Variants in CCDC92 observed in about 807,000 individuals in gnomAD.
CCDC92 encodes coiled-coil domain containing 92.
Under a neutral mutation model 24.9 loss-of-function variants are expected in CCDC92, and 12 were observed. That is an observed-to-expected ratio of 0.48 (90% confidence interval 0.31 to 0.78). The LOEUF (loss-of-function observed/expected upper bound fraction) is 0.78. Among genes scored for constraint, CCDC92 ranks in the 30% least tolerant of loss-of-function variants. The pLI is 0.05. For missense variants in CCDC92, 399 were observed against 439.4 expected, an observed-to-expected ratio of 0.91 and a Z score of 0.82; for synonymous variants, 193 against 196.3, an observed-to-expected ratio of 0.98 and a Z score of 0.14.
chr12:123,941,567 G>A (rs1955685681), intron 4 of CCDC92, among the ~76,000 whole-genome samples: 1 of 152,210 alleles, frequency 6.6e-6, no homozygotes, highest in Non-Finnish European at 1.5e-5. Flanking sequence ...AGGCATTGTG[G>A]GGAATGGAGA....
intron 2 of CCDC92, chr12:123,943,842 C>A: frequency 2.2e-6 from 1 of 454,062 alleles, no homozygotes. Context: ...CCTGGGGTCA[C>A]ACAGCCAGTG....
At chr12:123,939,671 C>G (rs1187589694) in intron 4 of CCDC92, among the ~76,000 whole-genome samples, 1 of 152,140 alleles carries the variant, frequency 6.6e-6, no homozygotes, top group Non-Finnish European at 1.5e-5. Context: ...AGCAAATGAC[C>G]TCCCTAAAAA....
At chr12:123,968,702 G>A (rs1468400729) in intron 1 of CCDC92, 1 of 152,156 alleles carries the variant, frequency 6.6e-6, no homozygotes, top group Non-Finnish European at 1.5e-5. Context: ...TACAGAATGA[G>A]AGAGAGTAAC....
intron 1 of CCDC92, among the ~76,000 whole-genome samples, chr12:123,952,633 T>C (rs1434703584): frequency 6.6e-6 from 1 of 152,244 alleles, no homozygotes; most frequent in Admixed American, 6.5e-5. Context: ...TACTTGTACA[T>C]GTATCTAAGA....
chr12:123,955,402 T>C (rs1486688233), intron 1 of CCDC92, among the ~76,000 whole-genome samples: 1 of 152,206 alleles, frequency 6.6e-6, no homozygotes, highest in Non-Finnish European at 1.5e-5. Context: ...TGCCAAATCA[T>C]CATTCATCCT....
chr12:123,940,536 C>A (rs1290095079), intron 4 of CCDC92, among the ~76,000 whole-genome samples: 1 of 152,212 alleles, frequency 6.6e-6, no homozygotes, highest in Admixed American at 6.5e-5. Context: ...GCTTCAGTGA[C>A]TGTCCTTCCC....
At chr12:123,944,727 ACTC>A (rs1955793541) in intron 1 of CCDC92, 3 of 159,948 alleles carry the variant, frequency 1.9e-5, no homozygotes, top group Non-Finnish European at 4.1e-5. Context: ...CACAGACTCC[ACTC>A]CGAGGGCAAC....
In CCDC92 at chr12:123,949,363, T is replaced by C. The variant is rs115961550; in HGVS notation, c.-59-4999A>G. Among the ~76,000 whole-genome samples, 386 of 152,360 alleles carry C rather than the reference T, an allele frequency of 2.5e-3. 2 individuals are homozygous for C. The highest frequency in any genetic ancestry group is 9.0e-3 in the African/African-American group (376 of 41,580). Reference sequence around the variant, plus strand: ...AAGCGTTGCTGAGAGCCATCCGCAATCTTACAGTATTTGCTCAACCAAAGG... The same window carrying C: ...AAGCGTTGCTGAGAGCCATCCGCAACCTTACAGTATTTGCTCAACCAAAGG... On this transcript the variant is annotated intron_variant, in intron 1 of 4. Coordinates refer to ENST00000238156, the MANE Select transcript of CCDC92 (RefSeq NM_025140.3).
chr12:123,953,392 A>G (rs1477446192), intron 1 of CCDC92, among the ~76,000 whole-genome samples: 1 of 152,148 alleles, frequency 6.6e-6, no homozygotes, highest in Non-Finnish European at 1.5e-5. Context: ...TAATATGTCT[A>G]TGATAGGTTA....
intron 1 of CCDC92, chr12:123,970,208 C>T (rs904584818): frequency 1.3e-5 from 2 of 152,146 alleles, no homozygotes; most frequent in African/African-American, 4.8e-5. Flanking sequence ...CAGAAGTCCT[C>T]GAATATAGTT....
intron 1 of CCDC92, among the ~76,000 whole-genome samples, chr12:123,948,143 A>T (rs940582452): frequency 6.6e-6 from 1 of 152,170 alleles, no homozygotes; most frequent in Admixed American, 6.5e-5. Flanking sequence ...AGAAAACGGG[A>T]TATACTAAAA....
Position 123,957,492 on chromosome 12 carries a change from C to T in CCDC92, c.-59-13128G>A, listed in dbSNP as rs1444812622. Among the ~76,000 whole-genome samples, 5 of 152,158 alleles carry T rather than the reference C, an allele frequency of 3.3e-5. No homozygotes were observed. The East Asian group carries it at 9.6e-4, about 29-fold the overall frequency. On this transcript the variant is annotated intron_variant, in intron 1 of 4. Coordinates refer to ENST00000238156, the MANE Select transcript of CCDC92 (RefSeq NM_025140.3). ...GCTTCTCAAGGGTGTGATCACTGCA[C>T]TGTAAAGGGTGGTAACAGCAATCAT...
intron 1 of CCDC92, among the ~76,000 whole-genome samples, chr12:123,966,902 T>C (rs574030256): frequency 2.6e-5 from 4 of 152,282 alleles, no homozygotes; most frequent in East Asian, 3.9e-4. Flanking sequence ...AACCTCCAAA[T>C]AGACAGCTGT....
intron 1 of CCDC92, chr12:123,956,361 T>C (rs953845018): frequency 3.9e-5 from 6 of 152,208 alleles, no homozygotes; most frequent in African/African-American, 1.4e-4. Flanking sequence ...GTAAGGGTGT[T>C]TGACCTCTGA....
At chr12:123,943,692 C>G in intron 2 of CCDC92, 199 bp from the exon 3 acceptor site, 1 of 623,418 alleles carries the variant, frequency 1.6e-6, no homozygotes, top group Non-Finnish European at 2.8e-6. Context: ...GGACGGCAGC[C>G]TCTGCTTCCC....
intron 1 of CCDC92, chr12:123,956,587 C>T (rs975682332): frequency 3.3e-5 from 5 of 152,338 alleles, no homozygotes; most frequent in Admixed American, 2.0e-4. Flanking sequence ...TGGGAAATCA[C>T]GCATTAAGTT....
chr12:123,937,077 CCT>C lies in CCDC92; in HGVS notation c.975_976del (p.Gly326AspfsTer86). ...CGGGCTTCACACAGTTCTGTCCGTC[CCT>C]GAGTGCTTCCTCACCACCTTGCCTC... On this transcript the variant is annotated frameshift_variant, in exon 5 of 5. Coordinates refer to ENST00000238156, the MANE Select transcript of CCDC92 (RefSeq NM_025140.3). LOFTEE classifies it high-confidence loss of function. This position sits in a 1 kb window ranked among gnomAD's most constrained non-coding sequence, Gnocchi z 8.4. The C allele has an allele frequency of 6.2e-7, 1 of 1,613,912 alleles. No homozygotes were observed. Among genetic ancestry groups the C allele is most frequent in the Non-Finnish European group, 8.5e-7 (1 of 1,179,998 alleles).
At chr12:123,942,142 G>A (rs1566148728) in intron 4 of CCDC92, among the ~76,000 whole-genome samples, 1 of 152,208 alleles carries the variant, frequency 6.6e-6, no homozygotes, top group Non-Finnish European at 1.5e-5. Context: ...GAGGGCCCTG[G>A]GAAGGCCTGG....
chr12:123,943,812 AAG>A (rs1472603162), intron 2 of CCDC92: 13 of 470,946 alleles, frequency 2.8e-5, no homozygotes, highest in Admixed American at 7.0e-5. Flanking sequence ...GAAACAGATC[AAG>A]AGAGGCAGAT....
Sources: allele counts gnomAD v4.1 joint callset (sites outside exome capture counted in the v4.1 genomes callset), GRCh38; gene constraint gnomAD v4.1.1; non-coding constraint Gnocchi (gnomAD v3.1); transcripts MANE v1.5; gene names NCBI Gene and HGNC (gene_info 2026-07-23, HGNC 2026-07-21).